The following VWA8 variants were observed in gnomAD, a reference collection of about 807,000 sequenced individuals.
VWA8 encodes von Willebrand factor A domain-containing protein 8.
VWA8 carries 221 observed loss-of-function variants against 241.5 expected under a neutral mutation model. That is an observed-to-expected ratio of 0.91 (90% CI 0.82 to 1.02). The LOEUF (loss-of-function observed/expected upper bound fraction) is 1.02. Among genes scored for constraint, VWA8 ranks in the 50% least tolerant of loss-of-function variants. The pLI is 0.00. For synonymous variants in VWA8, 852 were observed against 827.1 expected (o/e 1.03, Z -0.52); for missense variants, 2,322 against 2,328.7 (o/e 1.00, Z 0.06).
At position 41,784,695 on chromosome 13, in the gene VWA8, TAC is replaced by T. The variant is rs1276235428; in HGVS notation, c.2171-796_2171-795del. Among the ~76,000 whole-genome samples, 20 of 57,556 alleles carry T rather than the reference TAC, an allele frequency of 3.5e-4. 2 individuals are homozygous for T. The East Asian group carries it at 5.3e-3, about 15-fold the overall frequency. 37.8% of individuals were successfully genotyped at this position (57,556 alleles called of 152,430 possible). A position where few individuals can be genotyped will look rare whatever the true frequency, so the allele number is the denominator to read the frequency against. On this transcript the variant is annotated intron_variant, in intron 18 of 44. Transcript: ENST00000379310. ...CTCTCTCTCTTTATACATATACATATACATATATATATATATATATATATATA... is the reference window on the plus strand; with the variant it reads ...CTCTCTCTCTTTATACATATACATATATATATATATATATATATATATATA...
rs573783685 is a variant in VWA8 at position 41,605,976 on chromosome 13, C to T, written c.4878-700G>A. On this transcript the variant is annotated intron_variant, in intron 39 of 44. Coordinates refer to ENST00000379310, the MANE Select transcript of VWA8 (RefSeq NM_015058.2). ...CCCCACCAGCACACTAGAAGCTCCCCGTACACATCACATGCCCTGCAAGTG... is the reference window on the plus strand; with the variant it reads ...CCCCACCAGCACACTAGAAGCTCCCTGTACACATCACATGCCCTGCAAGTG... 3.3e-5 allele frequency among the ~76,000 whole-genome samples: 5 copies of T among 152,268 alleles called. No individual in the cohort carries two copies. In the South Asian group the frequency reaches 6.2e-4, roughly 19 times the overall value.
At chr13:41,719,491 A>AT in intron 26 of VWA8, 100 bp downstream of exon 26, 1 of 1,580,976 alleles carries the variant, frequency 6.3e-7, no homozygotes, top group Non-Finnish European at 8.6e-7. Flanking sequence ...AAGCTTACTC[A>AT]TGGAAAGTAA....
chr13:41,778,944 C>G (rs1555334200), intron 19 of VWA8, among the ~76,000 whole-genome samples: 1 of 147,962 alleles, frequency 6.8e-6, no homozygotes, highest in Non-Finnish European at 1.5e-5. Context: ...TGGGTTAACG[C>G]CATTCTCTTG....
At chr13:41,754,073 G>A (rs903386424) in intron 21 of VWA8, among the ~76,000 whole-genome samples, 7 of 152,084 alleles carry the variant, frequency 4.6e-5, no homozygotes, top group African/African-American at 1.7e-4. Flanking sequence ...ATTAGTAGGA[G>A]TGTCAGTCTA....
intron 21 of VWA8, among the ~76,000 whole-genome samples, chr13:41,755,839 T>G (rs2045690783): frequency 6.6e-6 from 1 of 151,606 alleles, no homozygotes; most frequent in Non-Finnish European, 1.5e-5. Context: ...AAAGAAAGAC[T>G]CAAAAATATA....
intron 16 of VWA8, 65 bp from the exon 17 acceptor site, chr13:41,811,405 G>T: frequency 7.7e-7 from 1 of 1,300,972 alleles, no homozygotes; most frequent in Non-Finnish European, 1.1e-6. Flanking sequence ...CCTTTAGATG[G>T]ATATCACAGC....
In VWA8 at chr13:41,611,605, T is replaced by C. The variant is rs2044588746; in HGVS notation, c.4848A>G (p.Arg1616=). The part of the protein sequence containing the change: ...AVPEEVKRAA[R]EMGQRAFQQR... The stretch of plus-strand genomic sequence containing the variant: ...GCTGGAATGCTCTCTGGCCCATCTC[T>C]CTAGCAGCTCTCTTGACCTCTTCGG... The change falls in exon 39 of 45, where the codon AGA becomes AGG. Residue 1616 remains arginine (R), a synonymous_variant. Transcript: ENST00000379310. 3.1e-6 allele frequency: 5 copies of C among 1,614,122 alleles called. No individual in the cohort carries two copies. Among genetic ancestry groups the C allele is most frequent in the East Asian group, 2.2e-5 (1 of 44,880 alleles).
intron 9 of VWA8, among the ~76,000 whole-genome samples, chr13:41,874,177 A>C (rs1337370989): frequency 1.3e-5 from 2 of 151,408 alleles, no homozygotes; most frequent in Non-Finnish European, 2.9e-5. Context: ...TATTGATGGG[A>C]CGTATCTCAA....
rs1384301261 is a variant in VWA8, at chr13:41,688,687, A to G, written c.4131+667T>C. On this transcript the variant is annotated intron_variant, in intron 34 of 44. Coordinates refer to ENST00000379310, the MANE Select transcript of VWA8 (RefSeq NM_015058.2). ...TCATGACTGTTGAAAATTTTAATCT[A>G]CAATAATGACAATCCAACAAATTTA... Among the ~76,000 whole-genome samples the G allele has an allele frequency of 3.3e-5, 5 of 152,130 alleles. No homozygotes were observed. In the South Asian group the frequency reaches 1.0e-3, roughly 31 times the overall value.
intron 44 of VWA8, 22 bp downstream of exon 44, chr13:41,570,446 T>G (rs766242551): frequency 1.9e-6 from 3 of 1,603,336 alleles, no homozygotes; most frequent in Non-Finnish European, 2.6e-6. Flanking sequence ...TGCCCTTTTC[T>G]GTATGCTCAG....
intron 21 of VWA8, among the ~76,000 whole-genome samples, chr13:41,741,299 C>T (rs148736461): frequency 2.0e-3 from 302 of 152,232 alleles, no homozygotes; most frequent in Non-Finnish European, 2.9e-3. Context: ...ACGATGAGGC[C>T]ATACTGAGCT....
chr13:41,592,804 G>C (rs867273534), intron 40 of VWA8, among the ~76,000 whole-genome samples: 2 of 150,292 alleles, frequency 1.3e-5, no homozygotes, highest in South Asian at 4.2e-4. Flanking sequence ...TTCAATATCT[G>C]ATCTGAAGCA....
intron 42 of VWA8, among the ~76,000 whole-genome samples, chr13:41,583,762 G>A (rs916059588): frequency 6.6e-6 from 1 of 152,096 alleles, no homozygotes; most frequent in Non-Finnish European, 1.5e-5. Context: ...TGGTAGGGGA[G>A]GTGGCTGTTC....
intron 4 of VWA8, among the ~76,000 whole-genome samples, chr13:41,899,038 G>A (rs988714503): frequency 1.3e-5 from 2 of 152,256 alleles, no homozygotes; most frequent in Admixed American, 6.5e-5. Context: ...ACAGTGCAGC[G>A]GTGGGCTGAA....
chr13:41,691,821 A>C, intron 31 of VWA8, 53 bp downstream of exon 31: 1 of 1,342,364 alleles, frequency 7.4e-7, no homozygotes, highest in Non-Finnish European at 1.1e-6. Context: ...AATAGGAAAT[A>C]GAATGGGCCA....
At chr13:41,943,075 G>C (rs909642286) in intron 2 of VWA8, among the ~76,000 whole-genome samples, 2 of 152,150 alleles carry the variant, frequency 1.3e-5, no homozygotes, top group African/African-American at 2.4e-5. Flanking sequence ...GCTGGTGTTA[G>C]AAGAGGAACT....
chr13:41,742,415 T>C (rs573121656), intron 21 of VWA8, among the ~76,000 whole-genome samples: 8 of 152,316 alleles, frequency 5.3e-5, no homozygotes, highest in African/African-American at 1.7e-4. Flanking sequence ...GATGGGAATA[T>C]GTAATTGTGA....
At chr13:41,585,863 T>TAAAAAA (rs5803094) in intron 42 of VWA8, among the ~76,000 whole-genome samples, 3 of 102,622 alleles carry the variant, frequency 2.9e-5, no homozygotes, top group Non-Finnish European at 5.9e-5. Flanking sequence ...GACACCGTCT[T>TAAAAAA]AAAAAAAAAA....
In VWA8 at chr13:41,887,304, G is replaced by C; in HGVS notation, c.709C>G (p.Arg237Gly). The C allele has an allele frequency of 6.2e-7, 1 of 1,613,250 alleles. No homozygotes were observed. Among genetic ancestry groups the C allele is most frequent in the South Asian group, 1.1e-5 (1 of 90,948 alleles). Reference protein sequence around the residue: ...WKIVRVSENFRVIALGLPVPR... With the variant: ...WKIVRVSENFGVIALGLPVPR... The stretch of plus-strand genomic sequence containing the variant: ...ACTGGCAAGCCCAAGGCAATCACTC[G>C]GAAATTTTCACTAACTCGGACAATT... The change falls in exon 6 of 45, where the codon CGA becomes GGA. Residue 237 changes from arginine to glycine, a missense_variant. Physicochemically the swap from Arg to Gly is moderately radical, Grantham distance 125. Transcript: ENST00000379310.
Sources: gnomAD v4.1 joint callset for allele counts (sites outside exome capture counted in the v4.1 genomes callset) on GRCh38, gnomAD v4.1.1 for gene constraint, MANE v1.5 for transcripts, NCBI Gene and HGNC (gene_info 2026-07-23, HGNC 2026-07-21) for gene names.